The following IL1R1 variants were observed in gnomAD, a reference collection of about 807,000 sequenced individuals.
IL1R1 encodes the protein interleukin 1 receptor type 1, also known as interleukin-1 receptor type 1.
IL1R1 carries 22 observed loss-of-function variants against 50.2 expected under a neutral mutation model. That is an observed-to-expected ratio of 0.44 (90% CI 0.31 to 0.63). The LOEUF (loss-of-function observed/expected upper bound fraction) is 0.63, where lower values mean the gene tolerates loss of function less well. IL1R1 is among the 20% of genes least tolerant of loss of function. The probability of loss-of-function intolerance (pLI) is 0.07; values close to 1 mark genes in which losing one functional copy is unlikely to be tolerated. For missense variants in IL1R1, 509 were observed against 676.2 expected (o/e 0.75, Z 2.74); for synonymous variants, 251 against 236.7 (o/e 1.06, Z -0.55).
At chr2:102,104,921 C>T (rs561658882) in intron 1 of IL1R1, 1 of 152,206 alleles carries the variant, frequency 6.6e-6, no homozygotes, top group South Asian at 2.1e-4. Flanking sequence ...TATTTTTTTC[C>T]CTCCTTTTTT....
At chr2:102,127,764 A>T (rs1471344113) in intron 1 of IL1R1, among the ~76,000 whole-genome samples, 2 of 152,038 alleles carry the variant, frequency 1.3e-5, no homozygotes, top group Non-Finnish European at 2.9e-5. Flanking sequence ...CTTTGGCAAT[A>T]GTGATTTGGA....
chr2:102,076,266 C>T (rs763256248), intron 1 of IL1R1, among the ~76,000 whole-genome samples: 51 of 150,386 alleles, frequency 3.4e-4, no homozygotes, highest in Non-Finnish European at 6.2e-4. Context: ...CAAGCTCCGC[C>T]TCCCAGGTTC....
rs578135865 is a variant in IL1R1, at chr2:102,130,151, G to A, written c.-83-23790G>A. ...TGTTGGAGAAGTTCTGCATCATGCGGTCTCTGGAAAAGTCCACTGTACGTG... is the reference window on the plus strand; with the variant it reads ...TGTTGGAGAAGTTCTGCATCATGCGATCTCTGGAAAAGTCCACTGTACGTG... On this transcript the variant is annotated intron_variant, in intron 1 of 10. Transcript: ENST00000409329. Among the ~76,000 whole-genome samples the A allele has an allele frequency of 7.9e-5, 12 of 152,246 alleles. 1 individual carries two copies. In the East Asian group the frequency reaches 2.1e-3, roughly 27 times the overall value.
intron 1 of IL1R1, among the ~76,000 whole-genome samples, chr2:102,134,478 A>C (rs1487750877): frequency 6.6e-6 from 1 of 151,932 alleles, no homozygotes; most frequent in Non-Finnish European, 1.5e-5. Flanking sequence ...TCCTGGGTTC[A>C]AGTGATTCTT....
At chr2:102,100,673 C>T (rs1236331300), upstream of IL1R1, among the ~76,000 whole-genome samples, 1 of 152,164 alleles carries the variant, frequency 6.6e-6, no homozygotes, top group African/African-American at 2.4e-5. Flanking sequence ...TCGTGGCTTC[C>T]TTAAGTGCTG....
chr2:102,150,890 G>A (rs530478800), intron 1 of IL1R1, among the ~76,000 whole-genome samples: 7 of 152,290 alleles, frequency 4.6e-5, no homozygotes, highest in East Asian at 3.9e-4. Context: ...AGGGGGAACC[G>A]TATGCTATGG....
intron 1 of IL1R1, among the ~76,000 whole-genome samples, chr2:102,075,015 G>A (rs560077358): frequency 2.0e-5 from 3 of 151,938 alleles, no homozygotes; most frequent in South Asian, 2.1e-4. Context: ...ACATATAAAC[G>A]TGTGTTATGC....
At chr2:102,116,735 C>T (rs1304499612) in intron 1 of IL1R1, among the ~76,000 whole-genome samples, 2 of 152,200 alleles carry the variant, frequency 1.3e-5, no homozygotes, top group African/African-American at 4.8e-5. Context: ...GAAGGTCATC[C>T]ACCCGTGCTG....
At chr2:102,079,816 CT>C (rs1376934994) in intron 1 of IL1R1, among the ~76,000 whole-genome samples, 1 of 152,128 alleles carries the variant, frequency 6.6e-6, no homozygotes, top group African/African-American at 2.4e-5. Context: ...AAGTCAATGA[CT>C]TACACTCCCA....
chr2:102,096,045 C>CT (rs1235570252), intron 1 of IL1R1, among the ~76,000 whole-genome samples: 1 of 152,120 alleles, frequency 6.6e-6, no homozygotes, highest in Non-Finnish European at 1.5e-5. Context: ...ACTATTCTTC[C>CT]TTTTTTCATT....
At chr2:102,088,885 G>A (rs1404742412) in intron 1 of IL1R1, among the ~76,000 whole-genome samples, 1 of 152,176 alleles carries the variant, frequency 6.6e-6, no homozygotes, top group Admixed American at 6.5e-5. Flanking sequence ...ACCAACCTCT[G>A]CTAGCTTCCA....
intron 1 of IL1R1, among the ~76,000 whole-genome samples, chr2:102,095,088 G>A (rs999533913): frequency 6.6e-6 from 1 of 152,162 alleles, no homozygotes. Context: ...TTTCCTAAGA[G>A]TTTAACCTTT....
intron 1 of IL1R1, among the ~76,000 whole-genome samples, chr2:102,131,467 T>C (rs543230703): frequency 6.6e-6 from 1 of 152,306 alleles, no homozygotes; most frequent in South Asian, 2.1e-4. Context: ...TTTTTATAAC[T>C]GTATTCCATA....
chr2:102,135,944 C>G (rs1279887791), intron 1 of IL1R1, among the ~76,000 whole-genome samples: 1 of 152,154 alleles, frequency 6.6e-6, no homozygotes, highest in Non-Finnish European at 1.5e-5. Context: ...CAGCACAGAT[C>G]TGGAGGAATA....
chr2:102,172,847 C>T lies in IL1R1; in HGVS notation c.991+9C>T, dbSNP rs1293780858. ...CCAGTTAATATATCCAGGTAAACAA[C>T]AAACTAATTGAAATGCAGTTTTGTT... On this transcript the variant is annotated intron_variant, in intron 9 of 11. Transcript: ENST00000410023. The T allele has an allele frequency of 6.3e-7, 1 of 1,579,276 alleles. No individual in the cohort carries two copies. The highest frequency in any genetic ancestry group is 2.2e-5 in the East Asian group (1 of 44,450).
intron 1 of IL1R1, among the ~76,000 whole-genome samples, chr2:102,088,853 C>T (rs569703438): frequency 1.1e-4 from 16 of 152,274 alleles, no homozygotes; most frequent in African/African-American, 2.9e-4. Flanking sequence ...ATGGAGATGG[C>T]GTCTTTCCTT....
At chr2:102,161,006 C>A (rs757324191) in intron 3 of IL1R1, among the ~76,000 whole-genome samples, 1 of 152,086 alleles carries the variant, frequency 6.6e-6, no homozygotes, top group African/African-American at 2.4e-5. Context: ...TTACTTTGTT[C>A]TTTTTCTAGT....
chr2:102,095,560 T>C (rs191469405), intron 1 of IL1R1, among the ~76,000 whole-genome samples: 6 of 152,314 alleles, frequency 3.9e-5, no homozygotes, highest in Admixed American at 3.3e-4. Context: ...ATTTGAGAAA[T>C]AGAACATAAT....
intron 1 of IL1R1, among the ~76,000 whole-genome samples, chr2:102,099,371 G>A (rs115244713): frequency 2.5e-3 from 386 of 152,236 alleles, no homozygotes; most frequent in African/African-American, 8.9e-3. Context: ...TCCAGGGATG[G>A]GGCAAACACT....
Sources: allele counts gnomAD v4.1 joint callset (sites outside exome capture counted in the v4.1 genomes callset), GRCh38; gene constraint gnomAD v4.1.1; transcripts MANE v1.5; gene names NCBI Gene and HGNC (gene_info 2026-07-23, HGNC 2026-07-21).